Variants in KIAA1671 observed in about 807,000 individuals in gnomAD.
KIAA1671 encodes the protein KIAA1671.
KIAA1671 carries 52 observed loss-of-function variants against 131.2 expected under a neutral mutation model. The observed-to-expected ratio is 0.40, with a 90% CI of 0.32 to 0.50. The LOEUF (loss-of-function observed/expected upper bound fraction) is 0.50, where lower values mean the gene tolerates loss of function less well. Among genes scored for constraint, KIAA1671 ranks in the 20% least tolerant of loss-of-function variants. The pLI is 0.73. For synonymous variants in KIAA1671, 1,003 were observed against 961.6 expected, an observed-to-expected ratio of 1.04 and a Z score of -0.80; for missense variants, 2,360 against 2,364.2, an observed-to-expected ratio of 1.00 and a Z score of 0.04.
chr22:25,006,282 C>A (rs1924748272), intron 1 of KIAA1671, among the ~76,000 whole-genome samples: 1 of 152,128 alleles, frequency 6.6e-6, no homozygotes, highest in Non-Finnish European at 1.5e-5. Context: ...ATCCACCCAC[C>A]TCGGCTCCCA....
intron 1 of KIAA1671, among the ~76,000 whole-genome samples, chr22:24,955,761 C>T (rs1402953560): frequency 1.3e-5 from 2 of 151,948 alleles, no homozygotes; most frequent in East Asian, 1.9e-4. Flanking sequence ...CGCGGTGGCT[C>T]ACGCCTGTAA....
chr22:25,056,755 G>A (rs1477707118), intron 6 of KIAA1671: 2 of 146,910 alleles, frequency 1.4e-5, no homozygotes, highest in African/African-American at 5.0e-5. Flanking sequence ...TGGAGTTGCA[G>A]TGACCCAAGA....
intron 6 of KIAA1671, among the ~76,000 whole-genome samples, chr22:25,093,759 TCTCTCTCTGTCTCTCTC>T (rs1568951129): frequency 4.3e-5 from 5 of 117,482 alleles, no homozygotes; most frequent in African/African-American, 1.7e-4. Flanking sequence ...TCTCTCTCTC[TCTCTCTCTGTCTCTCTC>T]TCTCTCTCTC....
chr22:25,028,693 G>A lies in KIAA1671; in HGVS notation c.694G>A (p.Val232Met), dbSNP rs1926101946. 3.2e-6 allele frequency: 5 copies of A among 1,551,104 alleles called. No individual in the cohort carries two copies. In the South Asian group the frequency reaches 4.8e-5, roughly 15 times the overall value. The part of the protein sequence containing the change: ...SSVEDTARPL[V>M]EPRPRLKRRP... Reference sequence around the variant, plus strand: ...TGTGGAGGACACGGCACGCCCCCTTGTGGAGCCCAGGCCTCGCCTGAAGAG... The same window carrying A: ...TGTGGAGGACACGGCACGCCCCCTTATGGAGCCCAGGCCTCGCCTGAAGAG... The change falls in exon 3 of 13, where the codon GTG (valine) becomes ATG (methionine). Residue 232 changes from valine (V) to methionine (M), a missense_variant. Val to Met is a conservative substitution (Grantham distance 21). Coordinates refer to ENST00000358431, the MANE Select transcript of KIAA1671 (RefSeq NM_001145206.2).
intron 7 of KIAA1671, 35 bp downstream of exon 7, chr22:25,170,973 G>A: frequency 1.3e-6 from 2 of 1,524,752 alleles, no homozygotes; most frequent in African/African-American, 1.4e-5. Context: ...GGCTGCAAAG[G>A]GGGCAGCTGG....
At chr22:24,955,801 C>T (rs1383037600) in intron 1 of KIAA1671, among the ~76,000 whole-genome samples, 3 of 151,764 alleles carry the variant, frequency 2.0e-5, no homozygotes, top group Non-Finnish European at 4.4e-5. Context: ...CAAGGCAGGA[C>T]GATCACGAGG....
intron 6 of KIAA1671, among the ~76,000 whole-genome samples, chr22:25,080,143 G>T (rs571891136): frequency 1.1e-3 from 161 of 152,284 alleles, no homozygotes; most frequent in African/African-American, 3.5e-3. Flanking sequence ...GGTCTTGGGG[G>T]CAGATCGGGA....
chr22:25,147,487 C>G (rs1737826858), intron 6 of KIAA1671, among the ~76,000 whole-genome samples: 1 of 152,170 alleles, frequency 6.6e-6, no homozygotes, highest in South Asian at 2.1e-4. Flanking sequence ...GCCACCGCAC[C>G]TGGCCCCATG....
At chr22:25,141,644 T>A (rs112684113) in intron 6 of KIAA1671, among the ~76,000 whole-genome samples, 6,353 of 152,328 alleles carry the variant, frequency 0.042, 179 homozygotes, top group Non-Finnish European at 0.063. Flanking sequence ...AAAACCCTAA[T>A]CACCAGGGTT....
intron 9 of KIAA1671, chr22:25,179,162 G>A (rs1343707720): frequency 2.3e-6 from 2 of 869,416 alleles, no homozygotes; most frequent in Non-Finnish European, 3.7e-6. Context: ...GGACAGGGCA[G>A]GGCGGCTGAG....
At chr22:25,000,226 C>CTCTG (rs1924381522) in intron 1 of KIAA1671, among the ~76,000 whole-genome samples, 1 of 43,228 alleles carries the variant, frequency 2.3e-5, no homozygotes, top group Non-Finnish European at 4.5e-5. Flanking sequence ...CGGAGTCTCG[C>CTCTG]TCTGTCGCCC....
At chr22:25,180,937 G>A (rs1934247803) in intron 9 of KIAA1671, among the ~76,000 whole-genome samples, 1 of 152,240 alleles carries the variant, frequency 6.6e-6, no homozygotes, top group Admixed American at 6.5e-5. Context: ...CGTGGCAGCA[G>A]CACCTCTGGC....
In KIAA1671 at chr22:25,040,098, C is replaced by T; in HGVS notation, c.2968C>T (p.Pro990Ser). 3 of 1,551,704 alleles carry T rather than the reference C, an allele frequency of 1.9e-6. No homozygotes were observed. Among genetic ancestry groups the T allele is most frequent in the East Asian group, 2.4e-5 (1 of 40,912 alleles). ...CCCCACAGCCAGTGCCTTAAGAAAA[C>T]CTCAACTATCCCACTACAGGGTGGA... is the stretch of plus-strand genomic sequence containing the variant. The part of the protein sequence containing the change: ...VSPTASALRK[P>S]QLSHYRVETQ... Residue 990 changes from proline to serine, a missense_variant, in exon 5 of 13, where the codon CCT becomes TCT. Coordinates refer to ENST00000358431, the MANE Select transcript of KIAA1671 (RefSeq NM_001145206.2).
At chr22:24,961,851 G>T (rs1922036229) in intron 1 of KIAA1671, among the ~76,000 whole-genome samples, 1 of 152,228 alleles carries the variant, frequency 6.6e-6, no homozygotes, top group Non-Finnish European at 1.5e-5. Flanking sequence ...TGCCTGGAGG[G>T]CATGGGTAAG....
intron 1 of KIAA1671, among the ~76,000 whole-genome samples, chr22:25,002,736 G>T (rs574858113): frequency 6.6e-6 from 1 of 151,994 alleles, no homozygotes; most frequent in South Asian, 2.1e-4. Context: ...TGTGACATTT[G>T]TATATTTGGA....
rs549832033 is a variant in KIAA1671 at position 25,099,648 on chromosome 22, G to A, written c.4530+50284G>A. On this transcript the variant is annotated intron_variant, in intron 6 of 12. Transcript: ENST00000358431. ...TGGCTCACTGCAACCTCTGCCTCCCGGGTTCACAGGTGTGCGCCACCATAC... is the reference window on the plus strand; with the variant it reads ...TGGCTCACTGCAACCTCTGCCTCCCAGGTTCACAGGTGTGCGCCACCATAC... Among the ~76,000 whole-genome samples, 16 of 142,918 alleles carry A rather than the reference G, an allele frequency of 1.1e-4. No homozygotes were observed. In the South Asian group the frequency reaches 3.0e-3, roughly 27 times the overall value. The allele number at this position is 142,918 out of a possible 152,430, so 93.8% of individuals were successfully genotyped here. A position where few individuals can be genotyped will look rare whatever the true frequency, so the allele number is the denominator to read the frequency against.
chr22:25,129,754 T>C (rs1601340608), intron 6 of KIAA1671, among the ~76,000 whole-genome samples: 1 of 151,894 alleles, frequency 6.6e-6, no homozygotes, highest in African/African-American at 2.4e-5. Flanking sequence ...CTAGAACTCC[T>C]GGGTTCAAGG....
At chr22:25,066,754 G>C (rs569028636) in intron 6 of KIAA1671, among the ~76,000 whole-genome samples, 96 of 151,684 alleles carry the variant, frequency 6.3e-4, no homozygotes, top group African/African-American at 2.3e-3. Flanking sequence ...GCCTACTTTC[G>C]ACAGCATGGG....
chr22:24,954,444 T>G (rs1184531414), intron 1 of KIAA1671, among the ~76,000 whole-genome samples: 1 of 152,172 alleles, frequency 6.6e-6, no homozygotes, highest in East Asian at 1.9e-4. Flanking sequence ...ATTTGCATGC[T>G]TGACAAGGGT....
Sources: gnomAD v4.1 joint callset for allele counts (sites outside exome capture counted in the v4.1 genomes callset) on GRCh38, gnomAD v4.1.1 for gene constraint, MANE v1.5 for transcripts, NCBI Gene and HGNC (gene_info 2026-07-23, HGNC 2026-07-21) for gene names.